Variants in UBE2E2 observed in about 807,000 individuals in gnomAD.
UBE2E2 encodes ubiquitin-conjugating enzyme E2 E2.
A neutral mutation model predicts 24.7 loss-of-function variants in UBE2E2; 6 were observed. That is an observed-to-expected ratio of 0.24 (90% CI 0.13 to 0.48). The LOEUF (loss-of-function observed/expected upper bound fraction) is 0.48, where lower values mean the gene tolerates loss of function less well. UBE2E2 is among the 20% of genes least tolerant of loss of function. The pLI is 0.99. For synonymous variants in UBE2E2, 104 were observed against 83.6 expected (o/e 1.24, Z -1.33); for missense variants, 169 against 245.0 (o/e 0.69, Z 2.07).
At chr3:23,327,392 T>G (rs1291821822) in intron 3 of UBE2E2, among the ~76,000 whole-genome samples, 1 of 152,232 alleles carries the variant, frequency 6.6e-6, no homozygotes, top group Non-Finnish European at 1.5e-5. Flanking sequence ...GATATCTCAT[T>G]GTGGTTTTGA....
intron 5 of UBE2E2, among the ~76,000 whole-genome samples, chr3:23,567,333 G>A (rs569277579): frequency 4.6e-5 from 7 of 152,178 alleles, no homozygotes; most frequent in Admixed American, 1.3e-4. Flanking sequence ...ACAGAATTTC[G>A]TCAGGTGGTA....
chr3:23,440,035 G>A (rs947787845), intron 3 of UBE2E2, among the ~76,000 whole-genome samples: 2 of 151,930 alleles, frequency 1.3e-5, no homozygotes, highest in Non-Finnish European at 2.9e-5. Context: ...GCTTTGGGAG[G>A]CCGAGGTGGG....
At position 23,407,935 on chromosome 3, in the gene UBE2E2, GA is replaced by G. The variant is rs11348019; in HGVS notation, c.228-91670del. 0.16 allele frequency among the ~76,000 whole-genome samples: 23,950 copies of G among 151,346 alleles called. 2,116 individuals are homozygous for G. The highest frequency in any genetic ancestry group is 0.24 in the African/African-American group (9,829 of 41,208). On this transcript the variant is annotated intron_variant, in intron 3 of 5. Coordinates refer to ENST00000396703, the MANE Select transcript of UBE2E2 (RefSeq NM_152653.4). This position sits in a 1 kb window ranked among gnomAD's most constrained non-coding sequence, Gnocchi z 4.0. ...AAATTAGTGGGTATTGGAACCTTCT[GA>G]AATGAAATACAGATACTTACCTTTA...
intron 3 of UBE2E2, among the ~76,000 whole-genome samples, chr3:23,377,692 G>A (rs1696555173): frequency 6.6e-6 from 1 of 152,168 alleles, no homozygotes; most frequent in African/African-American, 2.4e-5. Context: ...TTAAGGGCTG[G>A]GTGACTTTCA....
intron 3 of UBE2E2, among the ~76,000 whole-genome samples, chr3:23,261,660 C>G (rs2125354542): frequency 6.6e-6 from 1 of 152,276 alleles, no homozygotes; most frequent in Admixed American, 6.5e-5. Context: ...CACCATTCTA[C>G]TCTCTGCTTT....
At chr3:23,436,813 C>T (rs894896220) in intron 3 of UBE2E2, among the ~76,000 whole-genome samples, 1 of 152,162 alleles carries the variant, frequency 6.6e-6, no homozygotes, top group Non-Finnish European at 1.5e-5. Flanking sequence ...TTTGTATCTC[C>T]GACATTAGAC....
chr3:23,370,145 G>A (rs1202976348), intron 3 of UBE2E2, among the ~76,000 whole-genome samples: 1 of 152,044 alleles, frequency 6.6e-6, no homozygotes, highest in Non-Finnish European at 1.5e-5. Flanking sequence ...TGTTTTTAGT[G>A]GCCCTAAGAA....
chr3:23,343,908 A>G (rs1695473284), intron 3 of UBE2E2, among the ~76,000 whole-genome samples: 1 of 152,214 alleles, frequency 6.6e-6, no homozygotes, highest in Admixed American at 6.5e-5. Context: ...TTGCTGTGTA[A>G]TATTCCATTG....
At chr3:23,212,588 GTTCGAGGTATGGT>G (rs543829888) in intron 2 of UBE2E2, among the ~76,000 whole-genome samples, 15 of 138,406 alleles carry the variant, frequency 1.1e-4, no homozygotes, top group Non-Finnish European at 2.2e-4. Flanking sequence ...ATATGATACT[GTTCGAGGTATGGT>G]TTTTGGTTTC....
At chr3:23,303,116 T>C (rs1699146764) in intron 3 of UBE2E2, among the ~76,000 whole-genome samples, 1 of 152,098 alleles carries the variant, frequency 6.6e-6, no homozygotes, top group Non-Finnish European at 1.5e-5. Context: ...GCAAACTTTA[T>C]TGTGAACTGT....
At chr3:23,212,591 C>T (rs961657185) in intron 2 of UBE2E2, among the ~76,000 whole-genome samples, 8 of 131,118 alleles carry the variant, frequency 6.1e-5, no homozygotes, top group African/African-American at 9.3e-5. Flanking sequence ...TGATACTGTT[C>T]GAGGTATGGT....
chr3:23,554,740 G>A (rs1233300644), intron 5 of UBE2E2, among the ~76,000 whole-genome samples: 1 of 152,070 alleles, frequency 6.6e-6, no homozygotes, highest in African/African-American at 2.4e-5. Flanking sequence ...ACATCAAACT[G>A]CAAAACTTCT....
intron 5 of UBE2E2, among the ~76,000 whole-genome samples, chr3:23,537,484 T>G (rs1695293369): frequency 6.6e-6 from 1 of 152,214 alleles, no homozygotes; most frequent in Non-Finnish European, 1.5e-5. Flanking sequence ...TAATTAACCC[T>G]CAGCCTTGTA....
intron 4 of UBE2E2, among the ~76,000 whole-genome samples, chr3:23,517,698 C>T (rs1234650405): frequency 6.6e-6 from 1 of 152,066 alleles, no homozygotes; most frequent in African/African-American, 2.4e-5. Flanking sequence ...TTTCTGAAAT[C>T]TTTATTTAGC....
intron 3 of UBE2E2, among the ~76,000 whole-genome samples, chr3:23,442,581 C>T: frequency 6.6e-6 from 1 of 152,168 alleles, no homozygotes; most frequent in East Asian, 1.9e-4. Flanking sequence ...ACATAAGGCA[C>T]TGAGCTTTCT....
chr3:23,266,386 T>C (rs959736269), intron 3 of UBE2E2, among the ~76,000 whole-genome samples: 2 of 152,194 alleles, frequency 1.3e-5, no homozygotes, highest in Non-Finnish European at 2.9e-5. Flanking sequence ...TAAAGGATTT[T>C]ATTTCTCCTT....
intron 3 of UBE2E2, among the ~76,000 whole-genome samples, chr3:23,335,722 T>C (rs1695188039): frequency 6.6e-6 from 1 of 152,048 alleles, no homozygotes; most frequent in East Asian, 1.9e-4. Context: ...TTTGTAGAGA[T>C]GGGGTCTCAC....
At chr3:23,504,796 T>C (rs2125459794) in intron 4 of UBE2E2, among the ~76,000 whole-genome samples, 1 of 152,208 alleles carries the variant, frequency 6.6e-6, no homozygotes, top group South Asian at 2.1e-4. Flanking sequence ...TTAACAAGGA[T>C]GCTTGAAGAA....
intron 2 of UBE2E2, 64 bp downstream of exon 2, chr3:23,208,939 C>A: frequency 1.4e-6 from 2 of 1,435,800 alleles, no homozygotes; most frequent in South Asian, 1.6e-5. Flanking sequence ...TTCTATTTTT[C>A]TCTTGCATTT....
Sources: allele counts gnomAD v4.1 joint callset (sites outside exome capture counted in the v4.1 genomes callset), GRCh38; gene constraint gnomAD v4.1.1; non-coding constraint Gnocchi (gnomAD v3.1); transcripts MANE v1.5; gene names NCBI Gene and HGNC (gene_info 2026-07-23, HGNC 2026-07-21).